Variants in FGD4 observed in about 807,000 individuals in gnomAD.
FGD4 encodes the protein FYVE, RhoGEF and PH domain-containing protein 4.
A neutral mutation model predicts 102.0 loss-of-function variants in FGD4; 42 were observed. The ratio of observed to expected loss-of-function variants is 0.41; its 90% CI spans 0.32 to 0.53. FGD4 has a LOEUF of 0.53. Among genes scored for constraint, FGD4 ranks in the 20% least tolerant of loss-of-function variants. FGD4 has a pLI of 0.21. For synonymous variants in FGD4, 380 were observed against 375.7 expected (o/e 1.01, Z -0.13); for missense variants, 902 against 1,078.2 (o/e 0.84, Z 2.29).
rs1362282859 is a variant in FGD4 at position 32,506,569 on chromosome 12, C to T, written c.167-57568C>T. Among the ~76,000 whole-genome samples the T allele has an allele frequency of 6.6e-6, 1 of 152,102 alleles. No individual in the cohort carries two copies. The highest frequency in any genetic ancestry group is 1.5e-5 in the Non-Finnish European group (1 of 68,032). ...TCCTGTGGGCCTTTCCACAGGTATACGACCCGCACTTGCATACTTAATCTC... is the reference window on the plus strand; with the variant it reads ...TCCTGTGGGCCTTTCCACAGGTATATGACCCGCACTTGCATACTTAATCTC... On this transcript the variant is annotated intron_variant, in intron 1 of 16. Transcript: ENST00000534526. This position sits in a 1 kb window ranked among gnomAD's most constrained non-coding sequence, Gnocchi z 4.5.
intron 1 of FGD4, among the ~76,000 whole-genome samples, chr12:32,443,813 C>A (rs1197546452): frequency 6.6e-6 from 1 of 150,718 alleles, no homozygotes; most frequent in Non-Finnish European, 1.5e-5. Flanking sequence ...AATGGTGCAG[C>A]CTTCAAGTTC....
intron 1 of FGD4, among the ~76,000 whole-genome samples, chr12:32,406,599 G>A (rs1940944601): frequency 6.6e-6 from 1 of 151,898 alleles, no homozygotes; most frequent in Admixed American, 6.6e-5. Context: ...GTGAAATGTG[G>A]TGAGAGATTC....
chr12:32,609,503 A>G, intron 8 of FGD4, among the ~76,000 whole-genome samples: 1 of 152,202 alleles, frequency 6.6e-6, no homozygotes, highest in East Asian at 1.9e-4. Context: ...AGTGCACAGC[A>G]TCGCCCACAT....
chr12:32,547,447 TAC>T (rs1230800800), intron 1 of FGD4, among the ~76,000 whole-genome samples: 1 of 151,954 alleles, frequency 6.6e-6, no homozygotes, highest in Non-Finnish European at 1.5e-5. Context: ...TACACACACA[TAC>T]ACACACACCC....
chr12:32,519,056 A>G (rs765478891), intron 1 of FGD4, among the ~76,000 whole-genome samples: 2 of 143,196 alleles, frequency 1.4e-5, no homozygotes, highest in African/African-American at 2.5e-5. Context: ...CAGAGGTTGC[A>G]GTGAGCCCAA....
At chr12:32,540,479 G>C (rs1299501814) in intron 1 of FGD4, among the ~76,000 whole-genome samples, 1 of 152,136 alleles carries the variant, frequency 6.6e-6, no homozygotes, top group Non-Finnish European at 1.5e-5. Context: ...TGAGAATGTG[G>C]CTAGAGTGTT....
chr12:32,453,186 ATTTTATATATATAT>A (rs1565748749), intron 1 of FGD4, among the ~76,000 whole-genome samples: 2 of 92,376 alleles, frequency 2.2e-5, no homozygotes, highest in Non-Finnish European at 5.0e-5. Flanking sequence ...TTATATATAT[ATTTTATATATATAT>A]TATATATATA....
chr12:32,609,578 C>T (rs1949014354), intron 8 of FGD4, among the ~76,000 whole-genome samples: 1 of 152,158 alleles, frequency 6.6e-6, no homozygotes, highest in African/African-American at 2.4e-5. Flanking sequence ...TTGGTATCCC[C>T]TTAGATGCCC....
At chr12:32,581,035 A>T (rs1946574958) in intron 3 of FGD4, among the ~76,000 whole-genome samples, 1 of 152,190 alleles carries the variant, frequency 6.6e-6, no homozygotes, top group Non-Finnish European at 1.5e-5. Flanking sequence ...GGAGTTAGTG[A>T]TGGAGAGTGC....
At chr12:32,526,474 G>T (rs993822208) in intron 1 of FGD4, among the ~76,000 whole-genome samples, 4 of 152,158 alleles carry the variant, frequency 2.6e-5, no homozygotes, top group African/African-American at 7.2e-5. Context: ...CTAATCTGAT[G>T]GGGATGTGGA....
intron 1 of FGD4, among the ~76,000 whole-genome samples, chr12:32,535,540 G>A (rs570295322): frequency 2.0e-5 from 3 of 152,002 alleles, no homozygotes; most frequent in Non-Finnish European, 2.9e-5. Context: ...CACTCAGGCA[G>A]AAGCCTGAAT....
chr12:32,404,719 C>A (rs1310643670), intron 1 of FGD4, among the ~76,000 whole-genome samples: 1 of 151,880 alleles, frequency 6.6e-6, no homozygotes, highest in Admixed American at 6.6e-5. Flanking sequence ...ATTAAAAAAT[C>A]TATATTATAT....
At chr12:32,497,992 C>G (rs747203781) in intron 1 of FGD4, among the ~76,000 whole-genome samples, 2 of 152,180 alleles carry the variant, frequency 1.3e-5, no homozygotes, top group Non-Finnish European at 2.9e-5. Flanking sequence ...TGGAGATGCT[C>G]TAAGCCAGCA....
At chr12:32,492,644 A>C (rs916293467) in intron 1 of FGD4, among the ~76,000 whole-genome samples, 2 of 152,230 alleles carry the variant, frequency 1.3e-5, no homozygotes, top group African/African-American at 4.8e-5. Flanking sequence ...GCTGCTTTAT[A>C]AACATAATAT....
chr12:32,517,430 A>G (rs921588867), intron 1 of FGD4, among the ~76,000 whole-genome samples: 2 of 152,184 alleles, frequency 1.3e-5, no homozygotes, highest in African/African-American at 4.8e-5. Flanking sequence ...TCTTTATTAT[A>G]TGGAGATTAA....
At chr12:32,590,893 A>G (rs1334628896) in intron 4 of FGD4, among the ~76,000 whole-genome samples, 1 of 152,212 alleles carries the variant, frequency 6.6e-6, no homozygotes, top group Non-Finnish European at 1.5e-5. Context: ...TCACAGAACA[A>G]AGATGTCTAA....
At position 32,564,162 on chromosome 12, in the gene FGD4, T is replaced by G. The variant is rs1311985045; in HGVS notation, c.192T>G (p.Ala64=). Residue 64 remains alanine (A), a synonymous_variant, in exon 2 of 17, where the codon GCT becomes GCG. Coordinates refer to ENST00000534526, the MANE Select transcript of FGD4 (RefSeq NM_001370298.3). ...ATGSSTCPKI[A]LVPPCSTSST... ...GCAGCAGTACCTGTCCAAAGATCGCTTTAGTTCCACCTTGCTCCACAAGCA... is the reference window on the plus strand; with the variant it reads ...GCAGCAGTACCTGTCCAAAGATCGCGTTAGTTCCACCTTGCTCCACAAGCA... The G allele has an allele frequency of 2.6e-6, 4 of 1,535,970 alleles. No homozygotes were observed. The highest frequency in any genetic ancestry group is 2.0e-5 in the Admixed American group (1 of 50,966).
At chr12:32,473,968 G>C (rs1052071093) in intron 1 of FGD4, among the ~76,000 whole-genome samples, 4 of 151,800 alleles carry the variant, frequency 2.6e-5, no homozygotes, top group Non-Finnish European at 5.9e-5. Context: ...GGCGCCTGTA[G>C]TCCCAGCTAC....
At chr12:32,455,701 C>T (rs1183373680) in intron 1 of FGD4, among the ~76,000 whole-genome samples, 1 of 151,994 alleles carries the variant, frequency 6.6e-6, no homozygotes, top group Non-Finnish European at 1.5e-5. Flanking sequence ...TTTTATGTAC[C>T]TTTGGCCTCT....
Sources: gnomAD v4.1 joint callset for allele counts (sites outside exome capture counted in the v4.1 genomes callset) on GRCh38, gnomAD v4.1.1 for gene constraint, Gnocchi (gnomAD v3.1) non-coding constraint, MANE v1.5 for transcripts, NCBI Gene and HGNC (gene_info 2026-07-23, HGNC 2026-07-21) for gene names.